Variants in PPP6R3 observed in about 807,000 individuals in gnomAD.
PPP6R3 encodes serine/threonine-protein phosphatase 6 regulatory subunit 3.
Under a neutral mutation model 110.7 loss-of-function variants are expected in PPP6R3, and 38 were observed. The observed-to-expected ratio is 0.34, with a 90% CI of 0.26 to 0.45. The LOEUF (loss-of-function observed/expected upper bound fraction) is 0.45. Among genes scored for constraint, PPP6R3 ranks in the 20% least tolerant of loss-of-function variants. The pLI is 1.00. For synonymous variants in PPP6R3, 369 were observed against 373.5 expected (o/e 0.99, Z 0.14); for missense variants, 870 against 1,062.4 (o/e 0.82, Z 2.52).
At chr11:68,461,178 G>C (rs1474521966) in intron 1 of PPP6R3, among the ~76,000 whole-genome samples, 1 of 150,922 alleles carries the variant, frequency 6.6e-6, no homozygotes, top group Non-Finnish European at 1.5e-5. Flanking sequence ...CTTCCCGCCC[G>C]CCGGCCGCGG....
chr11:68,516,237 A>T lies in PPP6R3; in HGVS notation c.-157-3264A>T, dbSNP rs1219279669. ...AGCATCCCTAATTGGAAATTTCGAAATGCTTCAAAATCTGAAACTTTTTGA... is the reference window on the plus strand; with the variant it reads ...AGCATCCCTAATTGGAAATTTCGAATTGCTTCAAAATCTGAAACTTTTTGA... On this transcript the variant is annotated intron_variant, in intron 1 of 23. Coordinates refer to ENST00000393800, the MANE Select transcript of PPP6R3 (RefSeq NM_001164161.2). 4.6e-5 allele frequency among the ~76,000 whole-genome samples: 7 copies of T among 152,206 alleles called. No individual in the cohort carries two copies. The East Asian group carries it at 1.2e-3, about 25-fold the overall frequency.
intron 23 of PPP6R3, 74 bp from the exon 24 acceptor site, chr11:68,612,992 G>A (rs1275518072): frequency 1.9e-6 from 3 of 1,610,166 alleles, no homozygotes; most frequent in African/African-American, 1.3e-5. Flanking sequence ...TGCCCTTGGG[G>A]AGCTCAGCTA....
intron 2 of PPP6R3, among the ~76,000 whole-genome samples, chr11:68,532,688 T>TG (rs1198856123): frequency 6.6e-6 from 1 of 152,148 alleles, no homozygotes; most frequent in East Asian, 1.9e-4. Context: ...ATGATTAGTT[T>TG]GGGGGGATTC....
intron 1 of PPP6R3, among the ~76,000 whole-genome samples, chr11:68,476,958 C>T (rs181348589): frequency 4.0e-4 from 60 of 151,260 alleles, no homozygotes; most frequent in African/African-American, 1.3e-3. Flanking sequence ...CCCAGGAGTT[C>T]GAGGCTGCAG....
intron 2 of PPP6R3, among the ~76,000 whole-genome samples, chr11:68,533,411 G>C (rs1038322061): frequency 3.3e-5 from 5 of 152,058 alleles, no homozygotes; most frequent in African/African-American, 1.2e-4. Flanking sequence ...CCGAATAGTG[G>C]GGAGCAAAAG....
Position 68,466,500 on chromosome 11 carries a change from G to A in PPP6R3, c.-158+5673G>A, listed in dbSNP as rs1591479774. The stretch of plus-strand genomic sequence containing the variant: ...GTCACCCAGGCTGGAGTGCAGTGGC[G>A]TGGTCTCGGCTCACTGCCAGCTCTG... On this transcript the variant is annotated intron_variant, in intron 1 of 23. Transcript: ENST00000393800. Among the ~76,000 whole-genome samples, 3 of 150,306 alleles carry A rather than the reference G, an allele frequency of 2.0e-5. No individual in the cohort carries two copies. In the South Asian group the frequency reaches 6.3e-4, roughly 31 times the overall value.
chr11:68,475,290 A>G (rs1345469705), intron 1 of PPP6R3, among the ~76,000 whole-genome samples: 2 of 152,214 alleles, frequency 1.3e-5, no homozygotes, highest in Non-Finnish European at 2.9e-5. Context: ...TACAGAACAA[A>G]ATGAAGTCTC....
chr11:68,480,263 CTT>C (rs1210478518), intron 1 of PPP6R3, among the ~76,000 whole-genome samples: 1 of 152,142 alleles, frequency 6.6e-6, no homozygotes, highest in Non-Finnish European at 1.5e-5. Flanking sequence ...CTTATTTCCT[CTT>C]GTGTTTGCTG....
rs747348539 is a variant in PPP6R3 at position 68,576,041 on chromosome 11, C to G, written c.1543C>G (p.Leu515Val). The G allele has an allele frequency of 7.8e-5, 124 of 1,597,278 alleles. No homozygotes were observed. Among genetic ancestry groups the G allele is most frequent in the Non-Finnish European group, 1.0e-4 (120 of 1,166,672 alleles). ...AACTAACAAGAGGAACACGGTAGAT[C>G]TAGTAGGTTTTACAAGGTTACATTT... ...GETNKRNTVDLVTTCHIHSSS... is the reference protein window; with the variant it reads ...GETNKRNTVDVVTTCHIHSSS... Residue 515 changes from leucine (L) to valine (V), a missense_variant and splice_region_variant, in exon 14 of 24, where the codon CTA (leucine) becomes GTA (valine). By Grantham distance (32) the Leu-to-Val change is conservative (BLOSUM62 1). Transcript: ENST00000393800.
intron 23 of PPP6R3, among the ~76,000 whole-genome samples, chr11:68,612,447 A>G (rs566781277): frequency 5.9e-5 from 9 of 152,154 alleles, no homozygotes; most frequent in Non-Finnish European, 1.2e-4. Flanking sequence ...TAGGTTATAT[A>G]TTCAGGTTGT....
intron 14 of PPP6R3, among the ~76,000 whole-genome samples, chr11:68,581,383 CG>C (rs1714324568): frequency 6.6e-6 from 1 of 152,180 alleles, no homozygotes; most frequent in South Asian, 2.1e-4. Flanking sequence ...TAGGAAAAAG[CG>C]AAAGTGTGAA....
intron 2 of PPP6R3, among the ~76,000 whole-genome samples, chr11:68,532,467 G>A (rs1267792745): frequency 6.6e-6 from 1 of 152,180 alleles, no homozygotes; most frequent in Non-Finnish European, 1.5e-5. Context: ...AAAAACTCTA[G>A]GATTTTGAAG....
chr11:68,475,947 C>A (rs1233931334), intron 1 of PPP6R3, among the ~76,000 whole-genome samples: 23 of 151,762 alleles, frequency 1.5e-4, no homozygotes, highest in Admixed American at 3.9e-4. Flanking sequence ...GACGGGATGG[C>A]GGCCGGGAAG....
rs201016284 is a variant in PPP6R3 at position 68,609,923 on chromosome 11, A to G, written c.2470A>G (p.Thr824Ala). Residue 824 changes from threonine to alanine, a missense_variant, in exon 23 of 24, where the codon ACC becomes GCC. Coordinates refer to ENST00000393800, the MANE Select transcript of PPP6R3 (RefSeq NM_001164161.2). The stretch of plus-strand genomic sequence containing the variant: ...CTGCAGTGAGGAAGGGAAACTGTCT[A>G]CCTCTCAAGATGCTGCTTGTAAAGA... Reference protein sequence around the residue: ...VFKSEEGKLSTSQDAACKDAE... With the variant: ...VFKSEEGKLSASQDAACKDAE... The G allele has an allele frequency of 1.6e-5, 26 of 1,614,018 alleles. No individual in the cohort carries two copies. Among genetic ancestry groups the G allele is most frequent in the South Asian group, 5.5e-5 (5 of 91,078 alleles).
intron 1 of PPP6R3, among the ~76,000 whole-genome samples, chr11:68,462,092 A>C (rs141058866): frequency 8.2e-4 from 125 of 152,296 alleles, no homozygotes; most frequent in African/African-American, 2.7e-3. Context: ...TGTCAGGATA[A>C]TTGCCCTAAT....
chr11:68,494,456 A>T (rs751790126), intron 1 of PPP6R3, among the ~76,000 whole-genome samples: 1 of 149,894 alleles, frequency 6.7e-6, no homozygotes, highest in Admixed American at 6.6e-5. Context: ...ACGCAAGTGT[A>T]TCAGCAATAG....
At chr11:68,565,298 A>G (rs531829078) in intron 9 of PPP6R3, among the ~76,000 whole-genome samples, 1 of 152,118 alleles carries the variant, frequency 6.6e-6, no homozygotes, top group Admixed American at 6.5e-5. Flanking sequence ...CAGATACCTG[A>G]TGCCATTGGT....
Position 68,614,177 on chromosome 11 carries a change from TTACTG to T in PPP6R3, c.*1064_*1068del, listed in dbSNP as rs1196313578. On this transcript the variant is annotated 3_prime_UTR_variant, in exon 24 of 24. Coordinates refer to ENST00000393800, the MANE Select transcript of PPP6R3 (RefSeq NM_001164161.2). ...TCTGGCACCGAAGCATGCTAATTGT[TTACTG>T]TACCTTGTGAGGTTTTCACTCATAA... 1.0e-6 allele frequency: 1 copy of T among 987,076 alleles called. No individual in the cohort carries two copies. The highest frequency in any genetic ancestry group is 4.7e-5 in the South Asian group (1 of 21,376). The allele number at this position is 987,076 out of a possible 1,614,324, so 61.1% of individuals were successfully genotyped here.
At chr11:68,561,797 C>T (rs2153734777) in intron 8 of PPP6R3, among the ~76,000 whole-genome samples, 1 of 152,250 alleles carries the variant, frequency 6.6e-6, no homozygotes, top group Admixed American at 6.5e-5. Flanking sequence ...TAAGGCCTGC[C>T]ATTCAGACTG....
Sources: gnomAD v4.1 joint callset for allele counts (sites outside exome capture counted in the v4.1 genomes callset) on GRCh38, gnomAD v4.1.1 for gene constraint, MANE v1.5 for transcripts, NCBI Gene and HGNC (gene_info 2026-07-23, HGNC 2026-07-21) for gene names.